CYRIA: variants seen among roughly 807,000 people sequenced by gnomAD.
CYRIA encodes the protein CYFIP related Rac1 interactor A.
Under a neutral mutation model 43.9 loss-of-function variants are expected in CYRIA, and 15 were observed. The ratio of observed to expected loss-of-function variants is 0.34; its 90% confidence interval spans 0.23 to 0.53. The LOEUF is 0.53. Among genes scored for constraint, CYRIA ranks in the 20% least tolerant of loss-of-function variants. The probability of loss-of-function intolerance (pLI) is 0.94; values close to 1 mark genes in which losing one functional copy is unlikely to be tolerated. For missense variants in CYRIA, 236 were observed against 394.2 expected (o/e 0.60, Z 3.40); for synonymous variants, 117 against 136.0 (o/e 0.86, Z 0.97).
At chr2:16,584,917 C>T (rs1282301291) in intron 3 of CYRIA, among the ~76,000 whole-genome samples, 1 of 152,152 alleles carries the variant, frequency 6.6e-6, no homozygotes, top group Non-Finnish European at 1.5e-5. Flanking sequence ...TGCTCTTTTT[C>T]CTTCCTTACT....
intron 2 of CYRIA, among the ~76,000 whole-genome samples, chr2:16,603,560 C>G (rs897084624): frequency 6.6e-6 from 1 of 152,036 alleles, no homozygotes; most frequent in Non-Finnish European, 1.5e-5. Flanking sequence ...CCTCCCTCCC[C>G]CTCTATTCTA....
chr2:16,622,580 G>T (rs550233885), intron 2 of CYRIA, among the ~76,000 whole-genome samples: 41 of 152,266 alleles, frequency 2.7e-4, no homozygotes, highest in Admixed American at 9.1e-4. Flanking sequence ...ATGCTCATGC[G>T]TGATCTCACT....
chr2:16,661,559 T>G (rs948021499), intron 1 of CYRIA, among the ~76,000 whole-genome samples: 1 of 152,224 alleles, frequency 6.6e-6, no homozygotes, highest in Admixed American at 6.5e-5. Context: ...TCATCACTTA[T>G]AGAAATAACA....
intron 1 of CYRIA, among the ~76,000 whole-genome samples, chr2:16,651,120 T>TG (rs1400302316): frequency 1.3e-5 from 2 of 152,140 alleles, no homozygotes; most frequent in Admixed American, 1.3e-4. Context: ...CAGCTATTTC[T>TG]GGGGGGTCTG....
intron 1 of CYRIA, among the ~76,000 whole-genome samples, chr2:16,633,139 C>A (rs1043364973): frequency 5.3e-5 from 8 of 152,200 alleles, no homozygotes; most frequent in Non-Finnish European, 7.4e-5. Context: ...CTAATTAGAG[C>A]CATCCTTTAT....
At chr2:16,569,943 T>C (rs1222583639) in intron 3 of CYRIA, among the ~76,000 whole-genome samples, 3 of 152,140 alleles carry the variant, frequency 2.0e-5, no homozygotes, top group Non-Finnish European at 4.4e-5. Context: ...TTAAATATAC[T>C]ACTCACACTG....
intron 2 of CYRIA, among the ~76,000 whole-genome samples, chr2:16,592,846 T>C (rs1667975960): frequency 6.6e-6 from 1 of 152,164 alleles, no homozygotes; most frequent in African/African-American, 2.4e-5. Context: ...GTTTAACCTG[T>C]TTGTATTTTC....
At chr2:16,610,864 C>A (rs942774687) in intron 2 of CYRIA, among the ~76,000 whole-genome samples, 1 of 136,810 alleles carries the variant, frequency 7.3e-6, no homozygotes, top group African/African-American at 2.7e-5. Flanking sequence ...TGGCACTTGC[C>A]TCAAAAATAG....
At chr2:16,624,378 T>C (rs1669093945) in intron 1 of CYRIA, among the ~76,000 whole-genome samples, 1 of 152,256 alleles carries the variant, frequency 6.6e-6, no homozygotes, top group Non-Finnish European at 1.5e-5. Context: ...TATTTTTTGT[T>C]TAACACATTT....
chr2:16,643,994 A>T (rs1669749025), intron 1 of CYRIA, among the ~76,000 whole-genome samples: 1 of 152,214 alleles, frequency 6.6e-6, no homozygotes, highest in Non-Finnish European at 1.5e-5. Context: ...AGGCCTCGGC[A>T]TAATAAAGGC....
At chr2:16,589,456 T>C (rs1667846375) in intron 2 of CYRIA, among the ~76,000 whole-genome samples, 1 of 151,486 alleles carries the variant, frequency 6.6e-6, no homozygotes, top group South Asian at 2.1e-4. Context: ...ATCACTAACA[T>C]GAAATCAGAA....
chr2:16,574,901 C>T (rs1474731041), intron 3 of CYRIA, among the ~76,000 whole-genome samples: 2 of 152,156 alleles, frequency 1.3e-5, no homozygotes. Flanking sequence ...GGGGTGCTGC[C>T]TAGTGAAGCT....
intron 1 of CYRIA, among the ~76,000 whole-genome samples, chr2:16,662,081 A>G (rs1382368788): frequency 2.0e-5 from 3 of 152,212 alleles, no homozygotes. Context: ...TTTGAAAAAA[A>G]GAGTGTTGGT....
intron 3 of CYRIA, among the ~76,000 whole-genome samples, chr2:16,570,758 G>A (rs1667100989): frequency 6.6e-6 from 1 of 152,238 alleles, no homozygotes; most frequent in South Asian, 2.1e-4. Context: ...GTCAAAGAAA[G>A]GTACAAACAG....
chr2:16,554,662 T>C (rs1321222408), intron 11 of CYRIA, among the ~76,000 whole-genome samples: 2 of 152,170 alleles, frequency 1.3e-5, no homozygotes, highest in African/African-American at 4.8e-5. Flanking sequence ...TTTCAAAAGG[T>C]ACCCACATAA....
At chr2:16,593,282 T>C (rs1231041531) in intron 2 of CYRIA, among the ~76,000 whole-genome samples, 1 of 152,204 alleles carries the variant, frequency 6.6e-6, no homozygotes, top group Non-Finnish European at 1.5e-5. Context: ...TTTATGTATA[T>C]CTTTTCCACA....
chr2:16,664,333 A>T lies in CYRIA; in HGVS notation c.-167+1447T>A, dbSNP rs144584351. ...CCTGGGCCCAGCGCCCATGTTTATG[A>T]CTGTTTATTTCAGAGCAAGTAGAAA... On this transcript the variant is annotated intron_variant, in intron 1 of 11. Coordinates refer to ENST00000381323, the MANE Select transcript of CYRIA (RefSeq NM_030797.4). 1.2e-3 allele frequency among the ~76,000 whole-genome samples: 179 copies of T among 152,188 alleles called. 1 individual carries two copies. The highest frequency in any genetic ancestry group is 1.6e-3 in the Non-Finnish European group (112 of 68,012).
chr2:16,583,335 T>C (rs185198501), intron 3 of CYRIA, among the ~76,000 whole-genome samples: 13 of 152,320 alleles, frequency 8.5e-5, no homozygotes, highest in African/African-American at 3.1e-4. Context: ...AAAAGTTGCA[T>C]GGGTTAGCTT....
chr2:16,634,902 C>T (rs1030962206), intron 1 of CYRIA, among the ~76,000 whole-genome samples: 19 of 152,316 alleles, frequency 1.2e-4, no homozygotes, highest in Middle Eastern at 3.4e-3. Context: ...GTTTGGCTTT[C>T]GTTTATCCCA....
Sources: allele counts gnomAD v4.1 joint callset (sites outside exome capture counted in the v4.1 genomes callset), GRCh38; gene constraint gnomAD v4.1.1; transcripts MANE v1.5; gene names NCBI Gene and HGNC (gene_info 2026-07-23, HGNC 2026-07-21).